The following NOVA1 variants were observed in gnomAD, a reference collection of about 807,000 sequenced individuals.
The protein encoded by NOVA1 is RNA-binding protein Nova-1.
NOVA1 carries 7 observed loss-of-function variants against 38.0 expected under a neutral mutation model. That is an observed-to-expected ratio of 0.18 (90% confidence interval 0.10 to 0.35). The LOEUF is 0.35. Ranked by LOEUF, NOVA1 falls within the 10% of genes least tolerant of loss-of-function variation. The probability of loss-of-function intolerance (pLI) is 1.00; values close to 1 mark genes in which losing one functional copy is unlikely to be tolerated. For missense variants in NOVA1, 460 were observed against 616.0 expected, an observed-to-expected ratio of 0.75 and a Z score of 2.68; for synonymous variants, 270 against 232.5, an observed-to-expected ratio of 1.16 and a Z score of -1.47.
intron 2 of NOVA1, among the ~76,000 whole-genome samples, chr14:26,581,885 C>T (rs948359720): frequency 6.6e-6 from 1 of 151,844 alleles, no homozygotes; most frequent in Non-Finnish European, 1.5e-5. Flanking sequence ...AATAATTTTA[C>T]CTTTCACTAT....
chr14:26,491,070 T>C (rs535861527), intron 2 of NOVA1, among the ~76,000 whole-genome samples: 55 of 152,132 alleles, frequency 3.6e-4, no homozygotes, highest in African/African-American at 1.3e-3. Flanking sequence ...CAGGATGGCC[T>C]CGATCTCCTG....
At chr14:26,480,264 T>A in intron 2 of NOVA1, 121 bp from the exon 3 acceptor site, 1 of 765,118 alleles carries the variant, frequency 1.3e-6, no homozygotes, top group Non-Finnish European at 2.1e-6. Context: ...GTAAAACATT[T>A]AATTGAACCA....
intron 4 of NOVA1, among the ~76,000 whole-genome samples, chr14:26,466,968 C>T (rs1217277019): frequency 6.6e-6 from 1 of 152,152 alleles, no homozygotes; most frequent in Non-Finnish European, 1.5e-5. Context: ...AAATTACCAT[C>T]ACAGGTATTC....
In NOVA1 at chr14:26,567,724, C is replaced by G. The variant is rs139871219; in HGVS notation, c.280+27686G>C. Among the ~76,000 whole-genome samples, 731 of 152,278 alleles carry G rather than the reference C, an allele frequency of 4.8e-3. 7 individuals carry two copies. The highest frequency in any genetic ancestry group is 8.5e-3 in the Non-Finnish European group (579 of 68,010). On this transcript the variant is annotated intron_variant, in intron 2 of 4. Transcript: ENST00000539517. Reference sequence around the variant, plus strand: ...CATTTCTAGTCTTCTGCTTCATTAACTTTCCATTTCCTCAAATACATTAAA... The same window carrying G: ...CATTTCTAGTCTTCTGCTTCATTAAGTTTCCATTTCCTCAAATACATTAAA...
Position 26,486,696 on chromosome 14 carries a change from C to CAAAAAAAAAAAAAAAAAAAAAAAAA in NOVA1, c.281-6578_281-6554dup, listed in dbSNP as rs59078775. The stretch of plus-strand genomic sequence containing the variant: ...TGCACTCCAGCCTGGGTGACAGACT[C>CAAAAAAAAAAAAAAAAAAAAAAAAA]AAAAAAAAAAAAAAAAAAAAAAAAA... On this transcript the variant is annotated intron_variant, in intron 2 of 4. Coordinates refer to ENST00000539517, the MANE Select transcript of NOVA1 (RefSeq NM_002515.3). 8.7e-5 allele frequency among the ~76,000 whole-genome samples: 2 copies of CAAAAAAAAAAAAAAAAAAAAAAAAA among 23,106 alleles called. 1 individual carries two copies. The allele number at this position is 23,106 out of a possible 152,430, so 15.2% of individuals were successfully genotyped here.
chr14:26,463,750 T>G (rs1883893230), intron 4 of NOVA1, among the ~76,000 whole-genome samples: 1 of 152,198 alleles, frequency 6.6e-6, no homozygotes, highest in African/African-American at 2.4e-5. Flanking sequence ...CACCATAATT[T>G]CAAATAGTCT....
chr14:26,582,615 T>C (rs1230289848), intron 2 of NOVA1, among the ~76,000 whole-genome samples: 2 of 151,814 alleles, frequency 1.3e-5, no homozygotes, highest in Non-Finnish European at 3.0e-5. Context: ...TTATTATTCC[T>C]TAACAAAATA....
At chr14:26,482,014 A>AAAAAAAAAAC (rs1566463482) in intron 2 of NOVA1, among the ~76,000 whole-genome samples, 1 of 133,996 alleles carries the variant, frequency 7.5e-6, no homozygotes, top group African/African-American at 2.6e-5. Flanking sequence ...AAAAAAAAAA[A>AAAAAAAAAAC]CATGGCTCTA....
At position 26,597,726 on chromosome 14, in the gene NOVA1, G is replaced by A; in HGVS notation, c.-290C>T. On this transcript the variant is annotated 5_prime_UTR_variant, in exon 1 of 5. Transcript: ENST00000539517. Reference sequence around the variant, plus strand: ...AGGGTGAAAGAAGAAGAAGAAAGGAGACAGGGGGAGAGAGTGGAGAAGGGA... The same window carrying A: ...AGGGTGAAAGAAGAAGAAGAAAGGAAACAGGGGGAGAGAGTGGAGAAGGGA... 1.9e-6 allele frequency: 2 copies of A among 1,080,538 alleles called. No individual in the cohort carries two copies. The highest frequency in any genetic ancestry group is 4.6e-5 in the South Asian group (1 of 21,900). The allele number at this position is 1,080,538 out of a possible 1,614,324, so 66.9% of individuals were successfully genotyped here.
intron 2 of NOVA1, among the ~76,000 whole-genome samples, chr14:26,495,596 C>A (rs1886704619): frequency 1.1e-5 from 1 of 87,218 alleles, no homozygotes; most frequent in Non-Finnish European, 2.3e-5. Context: ...GCTGCACCCA[C>A]TAACTCATCA....
chr14:26,553,930 T>C (rs1891320438), intron 2 of NOVA1, among the ~76,000 whole-genome samples: 1 of 151,676 alleles, frequency 6.6e-6, no homozygotes, highest in Non-Finnish European at 1.5e-5. Flanking sequence ...GCGGATCACT[T>C]GAGGCCCCGG....
intron 4 of NOVA1, among the ~76,000 whole-genome samples, chr14:26,468,306 A>C (rs983499208): frequency 3.4e-4 from 7 of 20,514 alleles, no homozygotes; most frequent in African/African-American, 5.6e-4. Flanking sequence ...TCAGTCAAAC[A>C]GGTTAAAAAA....
intron 2 of NOVA1, among the ~76,000 whole-genome samples, chr14:26,584,569 AGT>A (rs1893408440): frequency 6.6e-6 from 1 of 151,348 alleles, no homozygotes; most frequent in South Asian, 2.1e-4. Flanking sequence ...AGATATCTAT[AGT>A]GCCTCCTACC....
At chr14:26,506,852 T>G (rs1380866492) in intron 2 of NOVA1, among the ~76,000 whole-genome samples, 1 of 152,120 alleles carries the variant, frequency 6.6e-6, no homozygotes, top group Non-Finnish European at 1.5e-5. Flanking sequence ...AGTGCTGGGA[T>G]TACAGGCATG....
intron 2 of NOVA1, among the ~76,000 whole-genome samples, chr14:26,495,776 T>G (rs1252989703): frequency 3.4e-5 from 5 of 147,696 alleles, no homozygotes; most frequent in African/African-American, 1.2e-4. Flanking sequence ...GATAGTTTAC[T>G]GAGAATGATG....
intron 2 of NOVA1, among the ~76,000 whole-genome samples, chr14:26,544,116 G>C (rs1890640143): frequency 6.6e-6 from 1 of 151,552 alleles, no homozygotes; most frequent in Admixed American, 6.6e-5. Flanking sequence ...TTTTCCCATG[G>C]GACAGATAAC....
intron 3 of NOVA1, among the ~76,000 whole-genome samples, chr14:26,474,868 T>C (rs954638686): frequency 2.6e-5 from 4 of 151,964 alleles, no homozygotes; most frequent in Non-Finnish European, 4.4e-5. Context: ...TTTGCAGCTA[T>C]TATTCATATA....
intron 2 of NOVA1, chr14:26,519,258 A>G (rs1347214285): frequency 1.3e-5 from 2 of 152,170 alleles, no homozygotes; most frequent in Non-Finnish European, 2.9e-5. Context: ...CAAATGAAAC[A>G]ATCACAGTAC....
Position 26,448,516 on chromosome 14 carries a change from C to T in NOVA1, c.967G>A (p.Ala323Thr). 6.2e-7 allele frequency: 1 copy of T among 1,614,146 alleles called. No homozygotes were observed. The highest frequency in any genetic ancestry group is 8.5e-7 in the Non-Finnish European group (1 of 1,180,030). The change falls in exon 5 of 5, where the codon GCC becomes ACC. Residue 323 changes from alanine (A) to threonine (T), a missense_variant. Ala to Thr is a moderately conservative substitution (Grantham distance 58, BLOSUM62 0). Transcript: ENST00000539517. The surrounding 1 kb of genome is among the most constrained non-coding windows in gnomAD (Gnocchi z 5.3). ...GTGTTGAGATTATATCCATAGCTGG[C>T]TAATGTATTAAGTGCAGAGGTGATG... ...VAITSALNTL[A>T]SYGYNLNTLG...
Sources: allele counts gnomAD v4.1 joint callset (sites outside exome capture counted in the v4.1 genomes callset), GRCh38; gene constraint gnomAD v4.1.1; non-coding constraint Gnocchi (gnomAD v3.1); transcripts MANE v1.5; gene names NCBI Gene and HGNC (gene_info 2026-07-23, HGNC 2026-07-21).